The following PPP1R2 variants were observed in gnomAD, a reference collection of about 807,000 sequenced individuals.
The protein encoded by PPP1R2 is protein phosphatase inhibitor 2.
In PPP1R2, 16 loss-of-function variants were observed where a neutral mutation model predicts 29.9. That is an observed-to-expected ratio of 0.53 (90% CI 0.36 to 0.81). PPP1R2 has a LOEUF of 0.81. Ranked by LOEUF, PPP1R2 falls within the 30% of genes least tolerant of loss-of-function variation. The probability of loss-of-function intolerance (pLI) is 0.00; values close to 1 mark genes in which losing one functional copy is unlikely to be tolerated. For synonymous variants in PPP1R2, 76 were observed against 91.5 expected (o/e 0.83, Z 0.96); for missense variants, 197 against 252.7 (o/e 0.78, Z 1.49).
chr3:195,531,806 C>T (rs1719189135), intron 1 of PPP1R2, among the ~76,000 whole-genome samples: 1 of 152,174 alleles, frequency 6.6e-6, no homozygotes, highest in African/African-American at 2.4e-5. Context: ...CATTCATCTC[C>T]AGAACTTTTT....
At chr3:195,527,081 T>C (rs941563226) in intron 2 of PPP1R2, among the ~76,000 whole-genome samples, 1 of 151,446 alleles carries the variant, frequency 6.6e-6, no homozygotes, top group African/African-American at 2.4e-5. Flanking sequence ...CTGTGCTTAG[T>C]CTAATTTGTT....
At chr3:195,542,764 AC>A in intron 1 of PPP1R2, 139 bp downstream of exon 1, 6 of 1,028,946 alleles carry the variant, frequency 5.8e-6, no homozygotes, top group Non-Finnish European at 8.0e-6. Context: ...GATCGCTCCC[AC>A]CCGCGGCTAG....
intron 2 of PPP1R2, chr3:195,528,751 T>C (rs1416324332): frequency 2.8e-5 from 4 of 142,470 alleles, no homozygotes; most frequent in African/African-American, 5.1e-5. Context: ...AGTCTTACTA[T>C]GTTGCTTAGG....
rs142380380 is a variant in PPP1R2, at chr3:195,521,776, G to A, written c.403+1916C>T. ...AGCAATTCTTGTGCCCCAGCCTCCC[G>A]AGTAGCTGGGATTAGAGGCGCCCAC... On this transcript the variant is annotated intron_variant, in intron 4 of 5. Coordinates refer to ENST00000618156, the MANE Select transcript of PPP1R2 (RefSeq NM_006241.8). Among the ~76,000 whole-genome samples the A allele has an allele frequency of 9.0e-3, 1,375 of 151,998 alleles. 20 individuals carry two copies. Among genetic ancestry groups the A allele is most frequent in the African/African-American group, 0.031 (1,304 of 41,422 alleles).
At chr3:195,533,417 C>T (rs1157443305) in intron 1 of PPP1R2, among the ~76,000 whole-genome samples, 1 of 151,116 alleles carries the variant, frequency 6.6e-6, no homozygotes, top group Non-Finnish European at 1.5e-5. Flanking sequence ...CAGTAAATTG[C>T]CTGTTGCAAT....
At chr3:195,528,867 CTTTT>C (rs755404825) in intron 2 of PPP1R2, 10 of 134,230 alleles carry the variant, frequency 7.4e-5, no homozygotes, top group South Asian at 2.4e-4. Context: ...AAGGTATTAT[CTTTT>C]TTTTTTTTTT....
chr3:195,521,094 T>A (rs2108939254), intron 4 of PPP1R2, among the ~76,000 whole-genome samples: 1 of 151,974 alleles, frequency 6.6e-6, no homozygotes, highest in East Asian at 1.9e-4. Flanking sequence ...GGAGGGCGGA[T>A]CATGAGGTCA....
At chr3:195,518,361 C>T (rs1405897944) in intron 5 of PPP1R2, among the ~76,000 whole-genome samples, 1 of 152,048 alleles carries the variant, frequency 6.6e-6, no homozygotes, top group African/African-American at 2.4e-5. Context: ...ATACTAAAAA[C>T]ATGTTTCAGG....
chr3:195,529,952 T>C (rs1306203223), intron 1 of PPP1R2, 51 bp from the exon 2 acceptor site: 2 of 1,299,598 alleles, frequency 1.5e-6, no homozygotes, highest in Admixed American at 4.4e-5. Flanking sequence ...AAGATAAACC[T>C]GAATATCAAA....
chr3:195,515,312 A>C lies in PPP1R2; in HGVS notation c.*1584T>G, dbSNP rs1718506081. On this transcript the variant is annotated 3_prime_UTR_variant, in exon 6 of 6. Transcript: ENST00000618156. ...ATAATGGCCACATTCTTCTAACAGC[A>C]AGGAATTCTCCCACTTTTTATTTAT... The C allele has an allele frequency of 6.5e-6, 1 of 152,722 alleles. No individual in the cohort carries two copies. Among genetic ancestry groups the C allele is most frequent in the Admixed American group, 6.5e-5 (1 of 15,274 alleles). The allele number at this position is 152,722 out of a possible 1,614,324, so 9.5% of individuals were successfully genotyped here. A position where few individuals can be genotyped will look rare whatever the true frequency, so the allele number is the denominator to read the frequency against.
At chr3:195,519,659 G>GA (rs1180334666) in intron 4 of PPP1R2, 23 of 151,928 alleles carry the variant, frequency 1.5e-4, no homozygotes, top group African/African-American at 5.1e-4. Context: ...TTATAATTAA[G>GA]AAAAAATCCT....
chr3:195,529,701 TAAAAC>T, intron 2 of PPP1R2, 88 bp downstream of exon 2: 1 of 896,836 alleles, frequency 1.1e-6, no homozygotes, highest in South Asian at 1.8e-5. Flanking sequence ...AAATCTACAA[TAAAAC>T]AAATTCAAAT....
At chr3:195,518,953 T>C in intron 5 of PPP1R2, 65 bp downstream of exon 5, 2 of 1,564,516 alleles carry the variant, frequency 1.3e-6, no homozygotes, top group Non-Finnish European at 1.7e-6. Context: ...TAAAGCAAAA[T>C]AAAGTACATT....
At chr3:195,518,478 CA>C (rs1431375384) in intron 5 of PPP1R2, among the ~76,000 whole-genome samples, 1 of 151,880 alleles carries the variant, frequency 6.6e-6, no homozygotes, top group Non-Finnish European at 1.5e-5. Flanking sequence ...GGTGAAACCC[CA>C]TCTCTACTAA....
intron 2 of PPP1R2, among the ~76,000 whole-genome samples, chr3:195,528,533 T>C (rs2108945898): frequency 6.6e-6 from 1 of 152,194 alleles, no homozygotes; most frequent in East Asian, 1.9e-4. Context: ...CCCACTGACT[T>C]AAAATACAGT....
At chr3:195,524,176 A>G (rs1040648870) in intron 3 of PPP1R2, among the ~76,000 whole-genome samples, 2 of 152,128 alleles carry the variant, frequency 1.3e-5, no homozygotes, top group Non-Finnish European at 2.9e-5. Flanking sequence ...GCAAAGGAAG[A>G]GTGCTTTTAT....
intron 1 of PPP1R2, among the ~76,000 whole-genome samples, chr3:195,539,977 T>C (rs1229466876): frequency 6.6e-6 from 1 of 152,188 alleles, no homozygotes; most frequent in Non-Finnish European, 1.5e-5. Context: ...TTGGTAATAT[T>C]TACGTAAAAT....
intron 2 of PPP1R2, among the ~76,000 whole-genome samples, chr3:195,525,117 T>C (rs1017075045): frequency 6.6e-6 from 1 of 151,976 alleles, no homozygotes; most frequent in African/African-American, 2.4e-5. Flanking sequence ...AAAAAACACA[T>C]AAATACAGTC....
chr3:195,533,899 G>A (rs969869582), intron 1 of PPP1R2, among the ~76,000 whole-genome samples: 5 of 152,150 alleles, frequency 3.3e-5, no homozygotes, highest in Non-Finnish European at 5.9e-5. Flanking sequence ...AATTTAATGC[G>A]AGCAAACAAT....
Sources: gnomAD v4.1 joint callset for allele counts (sites outside exome capture counted in the v4.1 genomes callset) on GRCh38, gnomAD v4.1.1 for gene constraint, MANE v1.5 for transcripts, NCBI Gene and HGNC (gene_info 2026-07-23, HGNC 2026-07-21) for gene names.